Variants in ZNF226 observed in about 807,000 individuals in gnomAD.
The protein encoded by ZNF226 is Kruppel-associated box protein.
ZNF226 carries 6 observed loss-of-function variants against 11.4 expected under a neutral mutation model. The observed-to-expected ratio is 0.53, with a 90% CI of 0.29 to 1.04. The LOEUF (loss-of-function observed/expected upper bound fraction) is 1.04. Among genes scored for constraint, ZNF226 ranks in the 50% least tolerant of loss-of-function variants. The probability of loss-of-function intolerance (pLI) is 0.08; values close to 1 mark genes in which losing one functional copy is unlikely to be tolerated. For synonymous variants in ZNF226, 350 were observed against 322.8 expected (o/e 1.08, Z -0.90); for missense variants, 1,058 against 956.5 (o/e 1.11, Z -1.40).
chr19:44,189,983 C>T, the ZNF226 span, among the ~76,000 whole-genome samples: 2 of 152,282 alleles, frequency 1.3e-5, no homozygotes, highest in South Asian at 4.1e-4. Context: ...TTAGTAATAA[C>T]ATGGGAGAAA....
At chr19:44,174,821 A>C (rs1465263111) in intron 5 of ZNF226, 1 of 573,308 alleles carries the variant, frequency 1.7e-6, no homozygotes, top group African/African-American at 1.9e-5. Context: ...CAAAAGCCTT[A>C]GAAGGATCCA....
chr19:44,192,601 A>G, the ZNF226 span, among the ~76,000 whole-genome samples: 1 of 152,234 alleles, frequency 6.6e-6, no homozygotes. Flanking sequence ...GCAATGAGAT[A>G]CAGCAAAGTG....
At chr19:44,174,954 CTGTACTTTCTAGT>C in intron 5 of ZNF226, 1 of 1,603,076 alleles carries the variant, frequency 6.2e-7, no homozygotes, top group Non-Finnish European at 8.5e-7. Flanking sequence ...TGCAGCAAAA[CTGTACTTTCTAGT>C]TCTTTTTGTA....
rs1970773023 is a variant in ZNF226 at position 44,177,206 on chromosome 19, T to G, written c.1944T>G (p.Cys648Trp). The change falls in exon 6 of 6, where the codon TGT (cysteine) becomes TGG (tryptophan). Residue 648 changes from cysteine to tryptophan, a missense_variant. By Grantham distance (215) the Cys-to-Trp change is radical. Transcript: ENST00000337433. ...AAAAACCATTCAAATGTGAAGAATG[T>G]GGGAAGAGTTTCGGTCGGAGTGCAC... The part of the protein sequence containing the change: ...SGEKPFKCEE[C>W]GKSFGRSAHL... The G allele has an allele frequency of 1.2e-6, 2 of 1,613,592 alleles. No individual in the cohort carries two copies. The highest frequency in any genetic ancestry group is 2.2e-5 in the South Asian group (2 of 91,054).
chr19:44,166,062 T>C (rs1969335864), intron 2 of ZNF226, among the ~76,000 whole-genome samples: 1 of 152,192 alleles, frequency 6.6e-6, no homozygotes, highest in Non-Finnish European at 1.5e-5. Flanking sequence ...AGAGCTAGCA[T>C]TGAAACCGAG....
At chr19:44,197,623 G>A in the ZNF226 span, among the ~76,000 whole-genome samples, 5 of 152,188 alleles carry the variant, frequency 3.3e-5, no homozygotes, top group African/African-American at 1.2e-4. Context: ...GACTAATGAA[G>A]TTGAGCAAAC....
chr19:44,194,477 T>A, the ZNF226 span, among the ~76,000 whole-genome samples: 1 of 152,006 alleles, frequency 6.6e-6, no homozygotes. Context: ...CAGGGTCTTG[T>A]TATGTTGCCC....
chr19:44,166,239 G>A (rs1449228696), intron 2 of ZNF226, among the ~76,000 whole-genome samples: 2 of 152,252 alleles, frequency 1.3e-5, no homozygotes, highest in Non-Finnish European at 2.9e-5. Context: ...AGTGGCTGAC[G>A]CCTGTAATCC....
chr19:44,177,046 G>C lies in ZNF226; in HGVS notation c.1784G>C (p.Gly595Ala), dbSNP rs374827802. Residue 595 changes from glycine (G) to alanine (A), a missense_variant, in exon 6 of 6, where the codon GGA (glycine) becomes GCA (alanine). By Grantham distance (60) the Gly-to-Ala change is moderately conservative (BLOSUM62 0). Transcript: ENST00000337433. ...TACAAATGTGAAGAGTGTGGCAAGGGATTTAGTCGTAGAGCAGATCTTAAA... is the reference window on the plus strand; with the variant it reads ...TACAAATGTGAAGAGTGTGGCAAGGCATTTAGTCGTAGAGCAGATCTTAAA... ...KPYKCEECGK[G>A]FSRRADLKIH... 4 of 1,613,876 alleles carry C rather than the reference G, an allele frequency of 2.5e-6. No homozygotes were observed. Among genetic ancestry groups the C allele is most frequent in the African/African-American group, 1.3e-5 (1 of 74,842 alleles).
Position 44,177,150 on chromosome 19 carries a change from C to CT in ZNF226, c.1892dup (p.Leu631PhefsTer16). The stretch of plus-strand genomic sequence containing the variant: ...GAAGGTCTTCAGGCAGGCCTCAAAT[C>CT]TTTTGGCCCATCAGAGAGTCCACAG... On this transcript the variant is annotated frameshift_variant, in exon 6 of 6. Transcript: ENST00000337433. LOFTEE classifies it low-confidence loss of function (END_TRUNC). The CT allele has an allele frequency of 6.2e-7, 1 of 1,613,982 alleles. No homozygotes were observed. The highest frequency in any genetic ancestry group is 8.5e-7 in the Non-Finnish European group (1 of 1,179,962).
chr19:44,177,146 A>G lies in ZNF226; in HGVS notation c.1884A>G (p.Ser628=). ...GTGGGAAGGTCTTCAGGCAGGCCTC[A>G]AATCTTTTGGCCCATCAGAGAGTCC... ...EECGKVFRQA[S]NLLAHQRVHS... is the part of the protein sequence containing the mutation. The change falls in exon 6 of 6, where the codon TCA becomes TCG. Residue 628 remains serine (S), a synonymous_variant. Coordinates refer to ENST00000337433, the MANE Select transcript of ZNF226 (RefSeq NM_001032373.2). 1 of 1,613,966 alleles carries G rather than the reference A, an allele frequency of 6.2e-7. No homozygotes were observed. The highest frequency in any genetic ancestry group is 1.3e-5 in the African/African-American group (1 of 74,976).
the ZNF226 span, among the ~76,000 whole-genome samples, chr19:44,186,942 A>G: frequency 6.7e-6 from 1 of 148,732 alleles, no homozygotes; most frequent in African/African-American, 2.5e-5. Context: ...ATTGATTTTT[A>G]TATGTTGAAT....
chr19:44,195,014 C>G, the ZNF226 span, among the ~76,000 whole-genome samples: 1 of 152,042 alleles, frequency 6.6e-6, no homozygotes, highest in Non-Finnish European at 1.5e-5. Flanking sequence ...GCAGAGCAAA[C>G]AAAATATAAA....
downstream of ZNF226, among the ~76,000 whole-genome samples, chr19:44,182,005 C>T (rs1282301426): frequency 6.6e-6 from 1 of 151,806 alleles, no homozygotes; most frequent in Admixed American, 6.6e-5. Flanking sequence ...TAGATCTTAC[C>T]AGTGTTGAAT....
intron 5 of ZNF226, chr19:44,173,262 C>A: frequency 2.3e-6 from 1 of 438,934 alleles, no homozygotes; most frequent in Non-Finnish European, 4.0e-6. Flanking sequence ...GCTTTTCATC[C>A]CCCACTACCT....
chr19:44,170,183 C>A (rs544158757), intron 3 of ZNF226, 88 bp downstream of exon 3: 46 of 1,392,346 alleles, frequency 3.3e-5, no homozygotes, highest in Non-Finnish European at 4.4e-5. Flanking sequence ...AAGTAAGAGT[C>A]AAGGCATCTG....
intron 5 of ZNF226, chr19:44,174,188 T>A (rs1970445522): frequency 6.6e-6 from 1 of 152,110 alleles, no homozygotes; most frequent in Non-Finnish European, 1.5e-5. Context: ...TGCCTGTCTG[T>A]ACAAGTTGAC....
the ZNF226 span, among the ~76,000 whole-genome samples, chr19:44,185,388 C>T: frequency 1.8e-4 from 27 of 152,312 alleles, no homozygotes; most frequent in South Asian, 2.7e-3. Flanking sequence ...GGTCTTCCAA[C>T]GTTACATCCT....
the ZNF226 span, among the ~76,000 whole-genome samples, chr19:44,193,734 C>T: frequency 5.3e-5 from 8 of 152,122 alleles, no homozygotes; most frequent in Non-Finnish European, 8.8e-5. Context: ...CTTAGAAGCC[C>T]GTACATGTTA....
Sources: allele counts gnomAD v4.1 joint callset (sites outside exome capture counted in the v4.1 genomes callset), GRCh38; gene constraint gnomAD v4.1.1; transcripts MANE v1.5; gene names NCBI Gene and HGNC (gene_info 2026-07-23, HGNC 2026-07-21).